Variants in NTRK3 observed in about 807,000 individuals in gnomAD.
The protein encoded by NTRK3 is NT-3 growth factor receptor.
NTRK3 carries 24 observed loss-of-function variants against 91.7 expected under a neutral mutation model. The ratio of observed to expected loss-of-function variants is 0.26; its 90% confidence interval spans 0.19 to 0.37. The LOEUF is 0.37. NTRK3 is among the 10% of genes least tolerant of loss of function. NTRK3 has a pLI of 1.00. For missense variants in NTRK3, 880 were observed against 1,068.9 expected (o/e 0.82, Z 2.46); for synonymous variants, 483 against 404.0 (o/e 1.20, Z -2.34).
chr15:88,125,819 T>C (rs1374513111), intron 13 of NTRK3, among the ~76,000 whole-genome samples: 1 of 150,656 alleles, frequency 6.6e-6, no homozygotes, highest in Non-Finnish European at 1.5e-5. Context: ...TCCCATTGCA[T>C]GGGCAGCTTT....
chr15:88,200,942 T>C (rs910030920), intron 3 of NTRK3, among the ~76,000 whole-genome samples: 1 of 152,194 alleles, frequency 6.6e-6, no homozygotes, highest in African/African-American at 2.4e-5. Context: ...GCTCTAACAA[T>C]GCAGCGAGCA....
rs2066324940 is a variant in NTRK3, at chr15:87,899,488, A to G, written c.2134-19060T>C. ...ATTGCAGGTTGGACAGATCAGCCAGAAAGGCACAACTGTAGCTAGAGGTAA... is the reference window on the plus strand; with the variant it reads ...ATTGCAGGTTGGACAGATCAGCCAGGAAGGCACAACTGTAGCTAGAGGTAA... On this transcript the variant is annotated intron_variant, in intron 17 of 18. Transcript: ENST00000394480. Among the ~76,000 whole-genome samples, 3 of 152,116 alleles carry G rather than the reference A, an allele frequency of 2.0e-5. No homozygotes were observed. In the South Asian group the frequency reaches 6.3e-4, roughly 32 times the overall value.
chr15:88,026,415 T>A lies in NTRK3; in HGVS notation c.1585+6442A>T, dbSNP rs373114924. Among the ~76,000 whole-genome samples, 92 of 152,312 alleles carry A rather than the reference T, an allele frequency of 6.0e-4. 1 individual carries two copies. Among genetic ancestry groups the A allele is most frequent in the African/African-American group, 1.9e-3 (77 of 41,562 alleles). ...GCTACACACTATGATTCCAACAATA[T>A]GACATGTGGAAAAGACAACACTATA... On this transcript the variant is annotated intron_variant, in intron 14 of 18. Transcript: ENST00000394480.
At chr15:88,001,875 A>G (rs1479007197) in intron 14 of NTRK3, among the ~76,000 whole-genome samples, 1 of 152,188 alleles carries the variant, frequency 6.6e-6, no homozygotes, top group Non-Finnish European at 1.5e-5. Context: ...TGCAAAAAAG[A>G]GGCCTGAATT....
chr15:88,184,280 T>A, exon 4 of NTRK3: 1 of 1,614,118 alleles, frequency 6.2e-7, no homozygotes, highest in Non-Finnish European at 8.5e-7. Context: ...GTGTGAAGAC[T>A]GCGCCAGTTC....
chr15:88,134,114 TATC>T (rs2041648842), intron 10 of NTRK3, among the ~76,000 whole-genome samples: 1 of 152,236 alleles, frequency 6.6e-6, no homozygotes, highest in African/African-American at 2.4e-5. Flanking sequence ...GTATGTGTCT[TATC>T]AGTTTTTACA....
intron 14 of NTRK3, among the ~76,000 whole-genome samples, chr15:87,940,969 A>G (rs2069783820): frequency 6.6e-6 from 1 of 152,012 alleles, no homozygotes; most frequent in Non-Finnish European, 1.5e-5. Context: ...TCCCTGAACA[A>G]CTCCTAACCC....
At chr15:87,962,517 C>T (rs2072394249) in intron 14 of NTRK3, among the ~76,000 whole-genome samples, 1 of 152,206 alleles carries the variant, frequency 6.6e-6, no homozygotes, top group South Asian at 2.1e-4. Context: ...TCAAAAGCTG[C>T]AGATTTAGAT....
chr15:88,236,779 A>AC (rs904327242), intron 3 of NTRK3, among the ~76,000 whole-genome samples: 1 of 151,010 alleles, frequency 6.6e-6, no homozygotes, highest in African/African-American at 2.4e-5. Context: ...AAAAAAAAAA[A>AC]AAAAAAAAAA....
chr15:88,173,549 T>C (rs1225592461), intron 5 of NTRK3, among the ~76,000 whole-genome samples: 2 of 152,274 alleles, frequency 1.3e-5, no homozygotes, highest in Non-Finnish European at 2.9e-5. Flanking sequence ...CATCTGTTAA[T>C]GGCCCTCCCC....
chr15:87,887,120 C>T (rs568305008), intron 17 of NTRK3, among the ~76,000 whole-genome samples: 10 of 152,116 alleles, frequency 6.6e-5, no homozygotes, highest in Non-Finnish European at 1.5e-4. Context: ...ATTTTACAGA[C>T]AGAAATTCAA....
At chr15:87,985,614 G>A (rs2074697648) in intron 14 of NTRK3, among the ~76,000 whole-genome samples, 2 of 152,080 alleles carry the variant, frequency 1.3e-5, no homozygotes, top group Admixed American at 1.3e-4. Context: ...CGCATGCCAC[G>A]GTTGCCAAGT....
intron 13 of NTRK3, among the ~76,000 whole-genome samples, chr15:88,034,760 G>A (rs535773678): frequency 2.4e-4 from 36 of 152,326 alleles, no homozygotes; most frequent in African/African-American, 8.7e-4. Flanking sequence ...GCACAGACAG[G>A]CTTATTCCAA....
intron 13 of NTRK3, among the ~76,000 whole-genome samples, chr15:88,118,730 T>C (rs929334143): frequency 3.3e-5 from 5 of 152,188 alleles, no homozygotes; most frequent in Non-Finnish European, 5.9e-5. Flanking sequence ...CCCGGTGACA[T>C]CCACAGTAGG....
chr15:88,082,575 A>G (rs1020371971), intron 13 of NTRK3, among the ~76,000 whole-genome samples: 3 of 152,150 alleles, frequency 2.0e-5, no homozygotes, highest in Admixed American at 6.5e-5. Context: ...AGTTTTGCTT[A>G]TTTCTGAACT....
intron 16 of NTRK3, 41 bp from the exon 17 acceptor site, chr15:87,929,475 C>A: frequency 6.2e-7 from 1 of 1,609,082 alleles, no homozygotes; most frequent in South Asian, 1.1e-5. Context: ...AGAGAGAAAT[C>A]AGGAGATCAA....
At chr15:88,092,802 G>C (rs1357345287) in intron 13 of NTRK3, among the ~76,000 whole-genome samples, 2 of 152,150 alleles carry the variant, frequency 1.3e-5, no homozygotes, top group Non-Finnish European at 1.5e-5. Flanking sequence ...TTCAAGGCCA[G>C]CACCTTCAAA....
intron 13 of NTRK3, among the ~76,000 whole-genome samples, chr15:88,089,115 T>A (rs943609308): frequency 6.0e-5 from 9 of 150,654 alleles, no homozygotes; most frequent in Admixed American, 3.3e-4. Context: ...TTGAGTGACA[T>A]CTAAGCTGTC....
intron 14 of NTRK3, chr15:87,979,476 A>T (rs2141347229): frequency 6.3e-7 from 1 of 1,579,010 alleles, no homozygotes; most frequent in East Asian, 2.2e-5. Flanking sequence ...ATAAAAAACA[A>T]AAAGAAAAAA....
Sources: gnomAD v4.1 joint callset for allele counts (sites outside exome capture counted in the v4.1 genomes callset) on GRCh38, gnomAD v4.1.1 for gene constraint, MANE v1.5 for transcripts, NCBI Gene and HGNC (gene_info 2026-07-23, HGNC 2026-07-21) for gene names.